Variants in CCT3 observed in about 807,000 individuals in gnomAD.
CCT3 encodes the protein chaperonin containing TCP1 subunit 3, also known as T-complex protein 1 subunit gamma.
A neutral mutation model predicts 65.3 loss-of-function variants in CCT3; 10 were observed. The ratio of observed to expected loss-of-function variants is 0.15; its 90% CI spans 0.09 to 0.26. The LOEUF (loss-of-function observed/expected upper bound fraction) is 0.26, where lower values mean the gene tolerates loss of function less well. Ranked by LOEUF, CCT3 falls within the 10% of genes least tolerant of loss-of-function variation. The pLI is 1.00. For synonymous variants in CCT3, 225 were observed against 242.3 expected (o/e 0.93, Z 0.66); for missense variants, 626 against 708.7 (o/e 0.88, Z 1.33).
intron 10 of CCT3, among the ~76,000 whole-genome samples, chr1:156,312,800 A>G (rs1205014579): frequency 1.3e-5 from 2 of 152,220 alleles, no homozygotes; most frequent in Non-Finnish European, 2.9e-5. Flanking sequence ...TCTCATATTG[A>G]AAATGCAGGT....
At chr1:156,328,865 T>TA (rs138492431) in intron 5 of CCT3, among the ~76,000 whole-genome samples, 71 of 145,984 alleles carry the variant, frequency 4.9e-4, no homozygotes, top group Admixed American at 8.1e-4. Context: ...AAAATAAAAA[T>TA]AAAAAAAAAA....
rs751967438 is a variant in CCT3, at chr1:156,338,185, G to A, written c.-1C>T. 1.9e-5 allele frequency: 30 copies of A among 1,588,002 alleles called. No homozygotes were observed. The highest frequency in any genetic ancestry group is 2.5e-5 in the Non-Finnish European group (29 of 1,168,932). ...CGAGCACTGGACGATGGCCCATCATGGCGACGCGATGCAGAGCCGGGTACC... is the reference window on the plus strand; with the variant it reads ...CGAGCACTGGACGATGGCCCATCATAGCGACGCGATGCAGAGCCGGGTACC... On this transcript the variant is annotated 5_prime_UTR_variant, in exon 1 of 14. Coordinates refer to ENST00000295688, the MANE Select transcript of CCT3 (RefSeq NM_005998.5).
At position 156,311,140 on chromosome 1, in the gene CCT3, T is replaced by A; in HGVS notation, c.1211A>T (p.Asp404Val). The A allele has an allele frequency of 6.2e-7, 1 of 1,613,742 alleles. No individual in the cohort carries two copies. Among genetic ancestry groups the A allele is most frequent in the Non-Finnish European group, 8.5e-7 (1 of 1,179,766 alleles). The change falls in exon 12 of 14, where the codon GAC (aspartate) becomes GTC (valine). Residue 404 changes from aspartate (D) to valine (V), a missense_variant. Transcript: ENST00000295688. ...AMQVCRNVLLDPQLVPGGGAS... is the reference protein window; with the variant it reads ...AMQVCRNVLLVPQLVPGGGAS... ...CCCACCCCCTGGCACCAGCTGAGGG[T>A]CCAGGAGAACATTGCGACACACTTG...
chr1:156,332,100 A>G (rs2101672754), intron 5 of CCT3, among the ~76,000 whole-genome samples: 1 of 151,010 alleles, frequency 6.6e-6, no homozygotes, highest in South Asian at 2.1e-4. Flanking sequence ...AACACGGCTC[A>G]CTGCAGCCTC....
At position 156,334,673 on chromosome 1, in the gene CCT3, T is replaced by C. The variant is rs114542731; in HGVS notation, c.207+40A>G. On this transcript the variant is annotated intron_variant, in intron 4 of 13. Transcript: ENST00000295688. ...AACAGGTCCTTTATGTTTACAGAACTGTCAGAAAGCAAAAAAACAAAACCA... is the reference window on the plus strand; with the variant it reads ...AACAGGTCCTTTATGTTTACAGAACCGTCAGAAAGCAAAAAAACAAAACCA... 1.7e-3 allele frequency: 2,766 copies of C among 1,593,402 alleles called. 45 individuals are homozygous for C. In the African/African-American group the frequency reaches 0.033, roughly 19 times the overall value.
chr1:156,321,930 T>G (rs1448840750), intron 6 of CCT3, among the ~76,000 whole-genome samples: 1 of 152,130 alleles, frequency 6.6e-6, no homozygotes, highest in Non-Finnish European at 1.5e-5. Context: ...TATGGACTTT[T>G]GGGAAGAAGC....
intron 6 of CCT3, among the ~76,000 whole-genome samples, chr1:156,322,781 G>A (rs1664612835): frequency 2.0e-5 from 3 of 151,836 alleles, no homozygotes; most frequent in Non-Finnish European, 4.4e-5. Context: ...ACTGCTTGAA[G>A]CCAGGGAGCA....
chr1:156,311,935 A>C (rs1391256202), intron 11 of CCT3, 106 bp downstream of exon 11: 2 of 842,666 alleles, frequency 2.4e-6, no homozygotes, highest in Non-Finnish European at 3.3e-6. Flanking sequence ...ATAGGTCCAA[A>C]TTAAATAGCT....
At position 156,311,120 on chromosome 1, in the gene CCT3, C is replaced by G. The variant is rs1664067548; in HGVS notation, c.1231G>C (p.Gly411Arg). Residue 411 changes from glycine (G) to arginine (R), a missense_variant, in exon 12 of 14, where the codon GGT becomes CGT. By Grantham distance (125) the Gly-to-Arg change is moderately radical. Coordinates refer to ENST00000295688, the MANE Select transcript of CCT3 (RefSeq NM_005998.5). ...VLLDPQLVPGGGASEMAVAHA... is the reference protein window; with the variant it reads ...VLLDPQLVPGRGASEMAVAHA... ...GCCACAGCCATCTCGGAGGCCCCAC[C>G]CCCTGGCACCAGCTGAGGGTCCAGG... 1 of 1,614,144 alleles carries G rather than the reference C, an allele frequency of 6.2e-7. No homozygotes were observed. The highest frequency in any genetic ancestry group is 8.5e-7 in the Non-Finnish European group (1 of 1,180,032).
At chr1:156,329,938 C>T (rs867111290) in intron 5 of CCT3, among the ~76,000 whole-genome samples, 7 of 143,190 alleles carry the variant, frequency 4.9e-5, no homozygotes, top group Middle Eastern at 3.3e-3. Flanking sequence ...AACTCTGTCT[C>T]GAAAAAAAAA....
In CCT3 at chr1:156,317,553, T is replaced by C. The variant is rs764520241; in HGVS notation, c.760-6A>G. The C allele has an allele frequency of 7.8e-5, 126 of 1,609,456 alleles. No homozygotes were observed. Among genetic ancestry groups the C allele is most frequent in the Non-Finnish European group, 8.9e-5 (105 of 1,176,606 alleles). ...CGTGTAATCTCAATGTCAGTCTGTGTGGTAAAGAAAAGACACTGATTTTAA... is the reference window on the plus strand; with the variant it reads ...CGTGTAATCTCAATGTCAGTCTGTGCGGTAAAGAAAAGACACTGATTTTAA... On this transcript the variant is annotated splice_polypyrimidine_tract_variant and splice_region_variant and intron_variant, in intron 8 of 13. Transcript: ENST00000295688.
At chr1:156,338,018 TG>T in intron 1 of CCT3, 135 bp downstream of exon 1, 1 of 942,086 alleles carries the variant, frequency 1.1e-6, no homozygotes, top group Non-Finnish European at 1.7e-6. Flanking sequence ...AGCGGGACAC[TG>T]GGCTTCCAAA....
chr1:156,322,417 C>A (rs1194620038), intron 6 of CCT3, among the ~76,000 whole-genome samples: 3 of 151,386 alleles, frequency 2.0e-5, no homozygotes, highest in Non-Finnish European at 4.4e-5. Flanking sequence ...TTGCTTGAAC[C>A]GAAGAGGCGG....
At chr1:156,335,932 A>G (rs766838894) in intron 1 of CCT3, 44 bp from the exon 2 acceptor site, 11 of 1,455,634 alleles carry the variant, frequency 7.6e-6, no homozygotes, top group Middle Eastern at 3.5e-4. Context: ...GGACTGCCCC[A>G]TCGTACACAA....
chr1:156,318,675 C>A (rs908367233), intron 8 of CCT3, among the ~76,000 whole-genome samples, 193 bp downstream of exon 8: 2 of 152,152 alleles, frequency 1.3e-5, no homozygotes, highest in African/African-American at 2.4e-5. Flanking sequence ...AAGCAATTAA[C>A]CTAACTTGTT....
At chr1:156,314,802 G>A (rs1000884098) in intron 10 of CCT3, among the ~76,000 whole-genome samples, 10 of 152,174 alleles carry the variant, frequency 6.6e-5, no homozygotes, top group Non-Finnish European at 1.3e-4. Flanking sequence ...AGACGATGAG[G>A]AAGATGATGT....
At position 156,312,047 on chromosome 1, in the gene CCT3, A is replaced by C. The variant is rs1456386526; in HGVS notation, c.1149T>G (p.Ile383Met). The change falls in exon 11 of 14, where the codon ATT (isoleucine) becomes ATG (methionine). Residue 383 changes from isoleucine to methionine, a missense_variant. By Grantham distance (10) the Ile-to-Met change is conservative (BLOSUM62 1). Transcript: ENST00000295688. The stretch of plus-strand genomic sequence containing the variant: ...ACATCCAAGGCTGACTCACCGAGAG[A>C]ATCTCTTTGCTAGCCCCCCGGAGGA... ...TILLRGASKE[I>M]LSEVERNLQD... 1 of 1,610,032 alleles carries C rather than the reference A, an allele frequency of 6.2e-7. No individual in the cohort carries two copies. The highest frequency in any genetic ancestry group is 2.2e-5 in the East Asian group (1 of 44,740).
At chr1:156,328,721 G>A (rs1014723620) in intron 5 of CCT3, among the ~76,000 whole-genome samples, 1 of 152,048 alleles carries the variant, frequency 6.6e-6, no homozygotes, top group African/African-American at 2.4e-5. Context: ...AAACACTGCG[G>A]AAGGCAGCAG....
intron 7 of CCT3, among the ~76,000 whole-genome samples, chr1:156,319,363 G>A (rs947393178): frequency 1.3e-5 from 2 of 151,840 alleles, no homozygotes; most frequent in Non-Finnish European, 1.5e-5. Flanking sequence ...TGATCCGCCC[G>A]CCTCGGCCTC....
Sources: gnomAD v4.1 joint callset for allele counts (sites outside exome capture counted in the v4.1 genomes callset) on GRCh38, gnomAD v4.1.1 for gene constraint, MANE v1.5 for transcripts, NCBI Gene and HGNC (gene_info 2026-07-23, HGNC 2026-07-21) for gene names.